The following LONP1 variants were observed in gnomAD, a reference collection of about 807,000 sequenced individuals.
LONP1 encodes the protein lon protease homolog, mitochondrial.
In LONP1, 31 loss-of-function variants were observed where a neutral mutation model predicts 98.5. The observed-to-expected ratio is 0.31, with a 90% confidence interval of 0.24 to 0.42. LONP1 has a LOEUF of 0.42. Ranked by LOEUF, LONP1 falls within the 20% of genes least tolerant of loss-of-function variation. LONP1 has a pLI of 1.00. For missense variants in LONP1, 1,336 were observed against 1,350.6 expected, an observed-to-expected ratio of 0.99 and a Z score of 0.17; for synonymous variants, 781 against 594.7, an observed-to-expected ratio of 1.31 and a Z score of -4.56.
intron 1 of LONP1, among the ~76,000 whole-genome samples, chr19:5,716,259 CATATATATATATATATATATATAT>C (rs3082272): frequency 0.044 from 3,373 of 77,252 alleles, 249 homozygotes; most frequent in Non-Finnish European, 0.052. Context: ...TTAAAATATA[CATATATATATATATATATATATAT>C]ATATATATAT....
rs774017598 is a variant in LONP1, at chr19:5,714,147, C to T, written c.518+36G>A. The stretch of plus-strand genomic sequence containing the variant: ...TTGTGGTGAGCTGGACTCTAGGGCA[C>T]CGTCAACAAGGGAATGAAGGAAAAA... On this transcript the variant is annotated intron_variant, in intron 2 of 17. Coordinates refer to ENST00000360614, the MANE Select transcript of LONP1 (RefSeq NM_004793.4). The T allele has an allele frequency of 1.6e-5, 25 of 1,533,618 alleles. No individual in the cohort carries two copies. The South Asian group carries it at 2.6e-4, about 16-fold the overall frequency.
At chr19:5,695,961 G>T (rs1244507268) in intron 13 of LONP1, 93 bp downstream of exon 13, 3 of 1,128,558 alleles carry the variant, frequency 2.7e-6, no homozygotes, top group African/African-American at 1.5e-5. Context: ...TCTCTCCCGG[G>T]CCCAGGAGCT....
At chr19:5,716,621 A>C (rs1378138927) in intron 1 of LONP1, among the ~76,000 whole-genome samples, 1 of 150,846 alleles carries the variant, frequency 6.6e-6, no homozygotes, top group Non-Finnish European at 1.5e-5. Flanking sequence ...TGTGTGACCC[A>C]CTGTTATAAG....
At position 5,696,052 on chromosome 19, in the gene LONP1, A is replaced by ACCTC. The variant is rs2054921410; in HGVS notation, c.2011_2013+1dup. 1 of 1,610,740 alleles carries ACCTC rather than the reference A, an allele frequency of 6.2e-7. No individual in the cohort carries two copies. ...ACAGCAGTGGGGAGGGGCTGGGCTT[A>ACCTC]CCTCCGCAATGGCCAGCTTCTCCTG... On this transcript the variant is annotated splice_donor_variant, in intron 13 of 17. Transcript: ENST00000360614. LOFTEE classifies it high-confidence loss of function.
At chr19:5,704,365 G>A (rs1158703640) in intron 8 of LONP1, among the ~76,000 whole-genome samples, 6 of 152,202 alleles carry the variant, frequency 3.9e-5, no homozygotes, top group Non-Finnish European at 8.8e-5. Flanking sequence ...GCCACTCACC[G>A]AAATCGGGGC....
chr19:5,714,189 T>A lies in LONP1; in HGVS notation c.512A>T (p.Asp171Val), dbSNP rs369444235. 20 of 1,612,488 alleles carry A rather than the reference T, an allele frequency of 1.2e-5. No individual in the cohort carries two copies. Among genetic ancestry groups the A allele is most frequent in the Non-Finnish European group, 1.7e-5 (20 of 1,179,296 alleles). Residue 171 changes from aspartate to valine, a missense_variant, in exon 2 of 18, where the codon GAT becomes GTT. Around this residue, in one of 5 missense-constraint regions of LONP1, gnomAD observed 457 missense variants for 403.1 expected, o/e 1.13. Transcript: ENST00000360614. ...QPYVGVFLKR[D>V]DSNESDVVES... Reference sequence around the variant, plus strand: ...AAGGAAAAATCACACTTACCTGTCATCTCTCTTTAGAAAGACGCCGACATA... The same window carrying A: ...AAGGAAAAATCACACTTACCTGTCAACTCTCTTTAGAAAGACGCCGACATA...
At chr19:5,707,863 C>T in intron 5 of LONP1, 37 bp from the exon 6 acceptor site, 3 of 1,608,900 alleles carry the variant, frequency 1.9e-6, no homozygotes, top group East Asian at 2.2e-5. Context: ...TGGCCAGGGC[C>T]TCACGCTCTG....
At chr19:5,706,628 T>C (rs2055149639) in intron 7 of LONP1, among the ~76,000 whole-genome samples, 1 of 151,966 alleles carries the variant, frequency 6.6e-6, no homozygotes. Context: ...TTCTGAAAAA[T>C]GCTACGACCG....
In LONP1 at chr19:5,699,381, G is replaced by A. The variant is rs1169601856; in HGVS notation, c.1507-176C>T. On this transcript the variant is annotated intron_variant, in intron 9 of 17. Coordinates refer to ENST00000360614, the MANE Select transcript of LONP1 (RefSeq NM_004793.4). Reference sequence around the variant, plus strand: ...CACTGGCCACGGGGAGGGGCAGCCTGTGACAAGGGCTCCATTTAACAATTT... The same window carrying A: ...CACTGGCCACGGGGAGGGGCAGCCTATGACAAGGGCTCCATTTAACAATTT... Among the ~76,000 whole-genome samples, 14 of 152,164 alleles carry A rather than the reference G, an allele frequency of 9.2e-5. 1 individual carries two copies. The highest frequency in any genetic ancestry group is 1.3e-4 in the Admixed American group (2 of 15,268).
At chr19:5,706,043 G>A in intron 7 of LONP1, 51 bp from the exon 8 acceptor site, 1 of 1,317,816 alleles carries the variant, frequency 7.6e-7, no homozygotes, top group South Asian at 1.2e-5. Flanking sequence ...AGCTGGGTGG[G>A]TGGGTGCGTC....
rs190125509 is a variant in LONP1, at chr19:5,711,703, G to A, written c.870+68C>T. On this transcript the variant is annotated intron_variant, in intron 4 of 17. Coordinates refer to ENST00000360614, the MANE Select transcript of LONP1 (RefSeq NM_004793.4). The stretch of plus-strand genomic sequence containing the variant: ...TGGGAGATGACTCTTCGGAGAGGCC[G>A]CAGGAACGGCTCAAGGGAGCCCGTG... 223 of 1,342,290 alleles carry A rather than the reference G, an allele frequency of 1.7e-4. 1 individual carries two copies. Among genetic ancestry groups the A allele is most frequent in the Middle Eastern group, 1.1e-3 (6 of 5,326 alleles). 83.1% of individuals were successfully genotyped at this position (1,342,290 alleles called of 1,614,324 possible). A position where few individuals can be genotyped will look rare whatever the true frequency, so the allele number is the denominator to read the frequency against.
chr19:5,712,424 G>A (rs767014226), intron 3 of LONP1: 17 of 188,726 alleles, frequency 9.0e-5, no homozygotes, highest in Non-Finnish European at 1.9e-4. Flanking sequence ...GGACACCATC[G>A]CAAAGACTGT....
At position 5,713,354 on chromosome 19, in the gene LONP1, C is replaced by A. The variant is rs538026955; in HGVS notation, c.519-101G>T. On this transcript the variant is annotated intron_variant, in intron 2 of 17. Coordinates refer to ENST00000360614, the MANE Select transcript of LONP1 (RefSeq NM_004793.4). ...GAGGGAGAGAAAAGAAACGCCCCTA[C>A]CAAATGCTACTGAAAACCAAGAGCG... 96 of 1,426,902 alleles carry A rather than the reference C, an allele frequency of 6.7e-5. No homozygotes were observed. In the African/African-American group the frequency reaches 1.1e-3, roughly 17 times the overall value. The allele number at this position is 1,426,902 out of a possible 1,614,324, so 88.4% of individuals were successfully genotyped here. A position where few individuals can be genotyped will look rare whatever the true frequency, so the allele number is the denominator to read the frequency against.
Position 5,696,231 on chromosome 19 carries a change from C to A in LONP1, c.1896+18G>T, listed in dbSNP as rs566824290. 1.2e-6 allele frequency: 2 copies of A among 1,612,856 alleles called. No individual in the cohort carries two copies. The highest frequency in any genetic ancestry group is 1.7e-6 in the Non-Finnish European group (2 of 1,179,774). ...CTTACCCTCCCCAGCAAGCCCAGGC[C>A]CCAGACAGGCCCCCCACCTTGGACA... On this transcript the variant is annotated intron_variant, in intron 12 of 17. Coordinates refer to ENST00000360614, the MANE Select transcript of LONP1 (RefSeq NM_004793.4).
intron 1 of LONP1, among the ~76,000 whole-genome samples, chr19:5,715,809 C>G (rs1321318539): frequency 6.6e-6 from 1 of 151,830 alleles, no homozygotes; most frequent in Non-Finnish European, 1.5e-5. Context: ...AAGCACACGC[C>G]ACTGCACTCG....
chr19:5,693,883 C>G (rs1257984741), intron 15 of LONP1, 114 bp from the exon 16 acceptor site: 1 of 871,254 alleles, frequency 1.1e-6, no homozygotes, highest in Non-Finnish European at 1.8e-6. Context: ...TCTTGGTGCC[C>G]CTGGGCAGGG....
intron 9 of LONP1, 78 bp from the exon 10 acceptor site, chr19:5,699,283 A>C (rs574989483): frequency 8.3e-7 from 1 of 1,208,096 alleles, no homozygotes; most frequent in East Asian, 2.7e-5. Flanking sequence ...CCACCTGCAC[A>C]CTGCCTTTCA....
At chr19:5,697,261 ACAGGGAGG>A (rs769673232) in intron 10 of LONP1, among the ~76,000 whole-genome samples, 1 of 152,054 alleles carries the variant, frequency 6.6e-6, no homozygotes, top group Admixed American at 6.6e-5. Flanking sequence ...GGATGAAGAC[ACAGGGAGG>A]CAGGGATGGA....
rs564408171 is a variant in LONP1 at position 5,710,763 on chromosome 19, C to T, written c.870+1008G>A. Among the ~76,000 whole-genome samples, 16 of 152,162 alleles carry T rather than the reference C, an allele frequency of 1.1e-4. 1 individual carries two copies. Among genetic ancestry groups the T allele is most frequent in the South Asian group, 6.2e-4 (3 of 4,806 alleles). On this transcript the variant is annotated intron_variant, in intron 4 of 17. Coordinates refer to ENST00000360614, the MANE Select transcript of LONP1 (RefSeq NM_004793.4). ...ACAGGTGGCCGGGCACAGTGGCTCACGACTATAATCCCAGCATTTTGGGAG... is the reference window on the plus strand; with the variant it reads ...ACAGGTGGCCGGGCACAGTGGCTCATGACTATAATCCCAGCATTTTGGGAG...
Sources: gnomAD v4.1 joint callset for allele counts (sites outside exome capture counted in the v4.1 genomes callset) on GRCh38, gnomAD v4.1.1 for gene constraint, gnomAD v4.1.1 regional missense constraint, MANE v1.5 for transcripts, NCBI Gene and HGNC (gene_info 2026-07-23, HGNC 2026-07-21) for gene names.